The following NTM variants were observed in gnomAD, a reference collection of about 807,000 sequenced individuals.
NTM encodes the protein IgLON family member 2.
NTM carries 13 observed loss-of-function variants against 42.1 expected under a neutral mutation model. That is an observed-to-expected ratio of 0.31 (90% CI 0.20 to 0.49). NTM has a LOEUF of 0.49. Among genes scored for constraint, NTM ranks in the 20% least tolerant of loss-of-function variants. NTM has a pLI of 0.99. For missense variants in NTM, 373 were observed against 452.8 expected, an observed-to-expected ratio of 0.82 and a Z score of 1.60; for synonymous variants, 187 against 179.2, an observed-to-expected ratio of 1.04 and a Z score of -0.35.
rs142179469 is a variant in NTM, at chr11:132,101,148, T to C, written c.168-45134T>C. Among the ~76,000 whole-genome samples the C allele has an allele frequency of 2.0e-5, 3 of 152,334 alleles. No homozygotes were observed. The East Asian group carries it at 5.8e-4, about 29-fold the overall frequency. On this transcript the variant is annotated intron_variant, in intron 2 of 8. Transcript: ENST00000683400. ...CCTGAGGCCATTGATCAATCTTTCC[T>C]ACCTCTATGGACTTGAGTGGCTGTT...
intron 1 of NTM, chr11:131,911,026 C>T: frequency 9.7e-7 from 1 of 1,029,862 alleles, no homozygotes; most frequent in Non-Finnish European, 1.2e-6. Context: ...TTGGATGTCC[C>T]CCGTTCGAAC....
intron 1 of NTM, among the ~76,000 whole-genome samples, chr11:131,504,003 G>T (rs970356150): frequency 2.6e-5 from 4 of 152,160 alleles, no homozygotes; most frequent in African/African-American, 4.8e-5. Flanking sequence ...GAAGTCCAAA[G>T]ACATGGCCTT....
At chr11:131,911,148 G>A in intron 1 of NTM, 1 of 1,282,098 alleles carries the variant, frequency 7.8e-7, no homozygotes, top group East Asian at 3.7e-5. Flanking sequence ...CCGCTGGGAA[G>A]AAGCGGCTCC....
chr11:131,561,915 T>A (rs1051347117), intron 1 of NTM, among the ~76,000 whole-genome samples: 40 of 152,366 alleles, frequency 2.6e-4, no homozygotes, highest in South Asian at 2.1e-4. Flanking sequence ...AGACTGGATT[T>A]ATTTGAATTT....
chr11:132,238,351 C>T (rs778416869), intron 4 of NTM, among the ~76,000 whole-genome samples: 13 of 152,146 alleles, frequency 8.5e-5, no homozygotes, highest in Non-Finnish European at 1.8e-4. Flanking sequence ...ATCCTCTGTT[C>T]TGCTGGTCCC....
chr11:131,505,201 G>C (rs1030642701), intron 1 of NTM, among the ~76,000 whole-genome samples: 6 of 152,138 alleles, frequency 3.9e-5, no homozygotes, highest in African/African-American at 1.4e-4. Context: ...GTGAAGCTCA[G>C]CTCACAGCAC....
In NTM at chr11:131,661,091, G is replaced by A. The variant is rs1348844761; in HGVS notation, c.83-250473G>A. On this transcript the variant is annotated intron_variant, in intron 1 of 8. Transcript: ENST00000683400. ...TCTTCATCTTTTGCACAGACTGGTG[G>A]GGGGGTCTTCCCCCTAGATTCGGTG... The A allele has an allele frequency of 2.4e-6, 3 of 1,271,042 alleles. No individual in the cohort carries two copies. The South Asian group carries it at 3.7e-5, about 16-fold the overall frequency. 78.7% of individuals were successfully genotyped at this position (1,271,042 alleles called of 1,614,324 possible).
At chr11:131,655,898 C>T (rs536695114) in intron 1 of NTM, among the ~76,000 whole-genome samples, 26 of 152,340 alleles carry the variant, frequency 1.7e-4, no homozygotes, top group Admixed American at 1.3e-3. Context: ...GGGACCAAAT[C>T]GATTGGCCAT....
chr11:131,498,730 C>T (rs531198894), intron 1 of NTM, among the ~76,000 whole-genome samples: 1 of 152,298 alleles, frequency 6.6e-6, no homozygotes, highest in South Asian at 2.1e-4. Context: ...TGAAAGGGAG[C>T]TCTGTTGGGA....
chr11:131,687,459 C>T (rs1265682096), intron 1 of NTM, among the ~76,000 whole-genome samples: 1 of 152,164 alleles, frequency 6.6e-6, no homozygotes, highest in Non-Finnish European at 1.5e-5. Flanking sequence ...CCCGGCAGAG[C>T]CCTCTGCTCC....
intron 3 of NTM, among the ~76,000 whole-genome samples, chr11:132,155,283 G>C (rs1039660036): frequency 1.3e-5 from 2 of 152,126 alleles, no homozygotes; most frequent in African/African-American, 4.8e-5. Flanking sequence ...AAGTGTTTTT[G>C]TGTCCCATAA....
intron 1 of NTM, among the ~76,000 whole-genome samples, chr11:131,568,222 C>T (rs1161616336): frequency 6.6e-6 from 1 of 152,154 alleles, no homozygotes; most frequent in Non-Finnish European, 1.5e-5. Context: ...CAAAAGTGGC[C>T]AGCATCTCTA....
chr11:131,675,410 C>T (rs1323752830), intron 1 of NTM, among the ~76,000 whole-genome samples: 1 of 152,148 alleles, frequency 6.6e-6, no homozygotes, highest in Non-Finnish European at 1.5e-5. Context: ...CAGACTGAAC[C>T]TTTGCCAAAT....
intron 1 of NTM, among the ~76,000 whole-genome samples, chr11:131,416,542 G>A (rs1033285536): frequency 3.3e-5 from 5 of 152,118 alleles, no homozygotes; most frequent in African/African-American, 7.2e-5. Flanking sequence ...TATGCTTGGG[G>A]AGCCAACTAG....
chr11:132,079,057 G>C (rs148301034), intron 2 of NTM, among the ~76,000 whole-genome samples: 1 of 152,284 alleles, frequency 6.6e-6, no homozygotes, highest in African/African-American at 2.4e-5. Flanking sequence ...TGCTTGGTGA[G>C]CGCGAGCCCA....
chr11:131,895,156 TGATATA>T (rs1393987838), intron 1 of NTM, among the ~76,000 whole-genome samples: 1 of 152,204 alleles, frequency 6.6e-6, no homozygotes, highest in Non-Finnish European at 1.5e-5. Context: ...CCATCATCAC[TGATATA>T]TAGAGTCCCA....
At chr11:131,802,314 C>G (rs2092186377) in intron 1 of NTM, among the ~76,000 whole-genome samples, 1 of 152,208 alleles carries the variant, frequency 6.6e-6, no homozygotes. Flanking sequence ...CATTGTCGTG[C>G]CTCTTTTCAT....
At chr11:132,132,971 A>T (rs2067104566) in intron 2 of NTM, among the ~76,000 whole-genome samples, 1 of 152,210 alleles carries the variant, frequency 6.6e-6, no homozygotes, top group Non-Finnish European at 1.5e-5. Flanking sequence ...GTTCATTGCA[A>T]AATCTTACAA....
chr11:131,888,386 C>T (rs531618402), intron 1 of NTM, among the ~76,000 whole-genome samples: 2 of 152,288 alleles, frequency 1.3e-5, no homozygotes, highest in South Asian at 4.1e-4. Context: ...AGAAATGCGT[C>T]GTTCATTCCC....
Sources: allele counts gnomAD v4.1 joint callset (sites outside exome capture counted in the v4.1 genomes callset), GRCh38; gene constraint gnomAD v4.1.1; transcripts MANE v1.5; gene names NCBI Gene and HGNC (gene_info 2026-07-23, HGNC 2026-07-21).